Variants in CDK6 observed in about 807,000 individuals in gnomAD.
CDK6 encodes the protein cyclin dependent kinase 6, also known as cyclin-dependent kinase 6.
In CDK6, 6 loss-of-function variants were observed where a neutral mutation model predicts 37.1. The ratio of observed to expected loss-of-function variants is 0.16; its 90% CI spans 0.09 to 0.32. The LOEUF is 0.32. Ranked by LOEUF, CDK6 falls within the 10% of genes least tolerant of loss-of-function variation. The pLI, the probability that CDK6 is intolerant of heterozygous loss-of-function variation, is 1.00. For missense variants in CDK6, 224 were observed against 418.9 expected, an observed-to-expected ratio of 0.53 and a Z score of 4.06; for synonymous variants, 160 against 161.3, an observed-to-expected ratio of 0.99 and a Z score of 0.06.
chr7:92,656,550 T>A (rs1419249046), intron 5 of CDK6, among the ~76,000 whole-genome samples: 2 of 152,254 alleles, frequency 1.3e-5, no homozygotes, highest in African/African-American at 2.4e-5. Context: ...AGTTATTTAC[T>A]ATATTTATTA....
intron 5 of CDK6, among the ~76,000 whole-genome samples, chr7:92,659,188 C>T (rs1796777470): frequency 6.6e-6 from 1 of 152,172 alleles, no homozygotes. Flanking sequence ...TTTAATTTAT[C>T]CTTTTATTTG....
At chr7:92,726,368 G>T (rs953689058) in intron 3 of CDK6, among the ~76,000 whole-genome samples, 11 of 152,048 alleles carry the variant, frequency 7.2e-5, no homozygotes, top group African/African-American at 2.7e-4. Context: ...ACAGATGTAG[G>T]CTACTAATTA....
At chr7:92,622,738 C>T (rs1271039171) in intron 6 of CDK6, among the ~76,000 whole-genome samples, 5 of 152,006 alleles carry the variant, frequency 3.3e-5, no homozygotes, top group African/African-American at 1.2e-4. Flanking sequence ...TTGAAATGAC[C>T]ACAAGCAGAA....
chr7:92,687,777 A>G (rs1319904434), intron 4 of CDK6, among the ~76,000 whole-genome samples: 3 of 152,186 alleles, frequency 2.0e-5, no homozygotes, highest in African/African-American at 7.2e-5. Context: ...TACTTACATC[A>G]CCATCACCAC....
Position 92,609,402 on chromosome 7 carries a change from C to T in CDK6, c.*5738G>A, listed in dbSNP as rs886727481. 8.7e-6 allele frequency: 2 copies of T among 230,452 alleles called. No individual in the cohort carries two copies. The allele number at this position is 230,452 out of a possible 1,614,324, so 14.3% of individuals were successfully genotyped here. On this transcript the variant is annotated 3_prime_UTR_variant, in exon 8 of 8. Coordinates refer to ENST00000424848, the MANE Select transcript of CDK6 (RefSeq NM_001145306.2). ...CAAAAGTTAAGTATGTAGACACACT[C>T]CTAAGTTGTTATGCTCATATACTTC...
intron 2 of CDK6, among the ~76,000 whole-genome samples, chr7:92,792,964 A>G (rs1800319701): frequency 6.6e-6 from 1 of 152,074 alleles, no homozygotes; most frequent in African/African-American, 2.4e-5. Context: ...AAATAGATGA[A>G]GAAAATGATA....
intron 5 of CDK6, among the ~76,000 whole-genome samples, chr7:92,627,760 A>C (rs1034839741): frequency 3.3e-5 from 5 of 152,054 alleles, no homozygotes; most frequent in African/African-American, 9.7e-5. Flanking sequence ...AAAACACTGA[A>C]TTGTACTATT....
intron 2 of CDK6, among the ~76,000 whole-genome samples, chr7:92,806,134 A>G (rs961920715): frequency 6.6e-6 from 1 of 152,252 alleles, no homozygotes; most frequent in African/African-American, 2.4e-5. Flanking sequence ...ACCACAATAA[A>G]ATAAGTTTTT....
chr7:92,711,937 G>A (rs1199852257), intron 4 of CDK6, among the ~76,000 whole-genome samples: 2 of 151,622 alleles, frequency 1.3e-5, no homozygotes, highest in Admixed American at 6.6e-5. Flanking sequence ...AGAAGGAACC[G>A]TGACACTTTG....
chr7:92,762,159 G>T (rs545313123), intron 3 of CDK6, among the ~76,000 whole-genome samples: 3 of 152,074 alleles, frequency 2.0e-5, no homozygotes, highest in South Asian at 4.1e-4. Flanking sequence ...AATCATAATG[G>T]GGGGGACAAG....
intron 4 of CDK6, among the ~76,000 whole-genome samples, chr7:92,694,011 A>T (rs961506916): frequency 6.6e-6 from 1 of 152,170 alleles, no homozygotes; most frequent in African/African-American, 2.4e-5. Context: ...CTTGCTGAAG[A>T]TGATCTAAAT....
At chr7:92,654,812 G>A (rs865840204) in intron 5 of CDK6, among the ~76,000 whole-genome samples, 1 of 151,908 alleles carries the variant, frequency 6.6e-6, no homozygotes, top group African/African-American at 2.4e-5. Flanking sequence ...CTATTTCCAG[G>A]TGCACATAAC....
chr7:92,720,101 G>T (rs944883115), intron 4 of CDK6, among the ~76,000 whole-genome samples: 3 of 152,150 alleles, frequency 2.0e-5, no homozygotes, highest in Non-Finnish European at 4.4e-5. Context: ...CATAAAAAAA[G>T]AAAACCAGGA....
chr7:92,719,752 C>T (rs527984156), intron 4 of CDK6, among the ~76,000 whole-genome samples: 71 of 152,188 alleles, frequency 4.7e-4, no homozygotes, highest in African/African-American at 1.7e-3. Context: ...ACTGAGGTAC[C>T]AAAAAGAATG....
intron 4 of CDK6, among the ~76,000 whole-genome samples, chr7:92,689,602 C>CATGT (rs1797553875): frequency 6.6e-6 from 1 of 152,124 alleles, no homozygotes; most frequent in Non-Finnish European, 1.5e-5. Flanking sequence ...CATGCACGTG[C>CATGT]ATGTGTCTTT....
chr7:92,719,727 C>T (rs1318256910), intron 4 of CDK6, among the ~76,000 whole-genome samples: 1 of 152,064 alleles, frequency 6.6e-6, no homozygotes, highest in Non-Finnish European at 1.5e-5. Context: ...ATAAAGGCCC[C>T]AAAAATACAA....
At chr7:92,662,748 T>C (rs556629714) in intron 5 of CDK6, among the ~76,000 whole-genome samples, 3 of 152,246 alleles carry the variant, frequency 2.0e-5, no homozygotes, top group Non-Finnish European at 4.4e-5. Context: ...TAGTGACTCT[T>C]TGCTGGAAAA....
At chr7:92,799,782 T>C (rs1473708542) in intron 2 of CDK6, among the ~76,000 whole-genome samples, 1 of 152,202 alleles carries the variant, frequency 6.6e-6, no homozygotes, top group Non-Finnish European at 1.5e-5. Context: ...TCAAAAAAGA[T>C]TTCTATACAT....
intron 3 of CDK6, among the ~76,000 whole-genome samples, chr7:92,760,307 G>T (rs1027568813): frequency 4.6e-5 from 7 of 152,096 alleles, no homozygotes; most frequent in Non-Finnish European, 5.9e-5. Context: ...ATTTTTCCTA[G>T]TCCTTCAATG....
Sources: allele counts gnomAD v4.1 joint callset (sites outside exome capture counted in the v4.1 genomes callset), GRCh38; gene constraint gnomAD v4.1.1; transcripts MANE v1.5; gene names NCBI Gene and HGNC (gene_info 2026-07-23, HGNC 2026-07-21).